PXDNL: variants seen among roughly 807,000 people sequenced by gnomAD.
PXDNL encodes peroxidasin like, also known as probable oxidoreductase PXDNL.
In PXDNL, 145 loss-of-function variants were observed where a neutral mutation model predicts 150.8. That is an observed-to-expected ratio of 0.96 (90% confidence interval 0.84 to 1.10). The LOEUF is 1.10. Among genes scored for constraint, PXDNL ranks in the 50% least tolerant of loss-of-function variants. The pLI is 0.00. For synonymous variants in PXDNL, 757 were observed against 725.7 expected, an observed-to-expected ratio of 1.04 and a Z score of -0.69; for missense variants, 2,087 against 1,873.9, an observed-to-expected ratio of 1.11 and a Z score of -2.10.
chr8:51,428,549 G>A (rs7837612), intron 12 of PXDNL, among the ~76,000 whole-genome samples: 2,027 of 152,236 alleles, frequency 0.013, 41 homozygotes, highest in African/African-American at 0.047. Context: ...ACAGCAGACA[G>A]CCCAGTAATA....
At chr8:51,786,150 T>C (rs1387394186) in intron 1 of PXDNL, among the ~76,000 whole-genome samples, 2 of 152,228 alleles carry the variant, frequency 1.3e-5, no homozygotes, top group Admixed American at 6.5e-5. Flanking sequence ...TGGTTTTAAC[T>C]TCATATACTG....
chr8:51,741,148 C>T (rs1175896409), intron 1 of PXDNL, among the ~76,000 whole-genome samples: 1 of 152,140 alleles, frequency 6.6e-6, no homozygotes, highest in Non-Finnish European at 1.5e-5. Context: ...ATTACTGCCT[C>T]AATTGTAGAA....
chr8:51,704,314 G>T (rs1440867350), intron 1 of PXDNL, among the ~76,000 whole-genome samples: 1 of 152,168 alleles, frequency 6.6e-6, no homozygotes, highest in African/African-American at 2.4e-5. Flanking sequence ...GTGTGTAGTA[G>T]CAGTTCATTT....
At chr8:51,529,932 C>T (rs1811857923) in intron 4 of PXDNL, among the ~76,000 whole-genome samples, 1 of 152,042 alleles carries the variant, frequency 6.6e-6, no homozygotes, top group African/African-American at 2.4e-5. Context: ...ATGCCTATAG[C>T]AATCCCCCTT....
intron 3 of PXDNL, among the ~76,000 whole-genome samples, chr8:51,579,728 C>A (rs1408876777): frequency 1.3e-5 from 2 of 152,046 alleles, no homozygotes; most frequent in East Asian, 1.9e-4. Context: ...ACTCAGATGT[C>A]TTTCAATAGG....
chr8:51,351,109 A>G (rs1806337633), intron 19 of PXDNL, among the ~76,000 whole-genome samples: 1 of 152,220 alleles, frequency 6.6e-6, no homozygotes, highest in Non-Finnish European at 1.5e-5. Flanking sequence ...TTCTTATTAC[A>G]ATTGCTTTAG....
intron 1 of PXDNL, among the ~76,000 whole-genome samples, chr8:51,777,839 G>A (rs750791615): frequency 3.3e-5 from 5 of 152,124 alleles, no homozygotes; most frequent in Admixed American, 6.5e-5. Context: ...GGAGGCGGAG[G>A]TTGCAATGAG....
chr8:51,509,051 A>C (rs1278401248), intron 4 of PXDNL, among the ~76,000 whole-genome samples: 1 of 152,120 alleles, frequency 6.6e-6, no homozygotes, highest in Non-Finnish European at 1.5e-5. Flanking sequence ...CAGCAAAGCA[A>C]CCAACTGGTC....
chr8:51,535,676 C>T (rs1196669361), intron 4 of PXDNL, among the ~76,000 whole-genome samples: 1 of 144,810 alleles, frequency 6.9e-6, no homozygotes, highest in East Asian at 2.0e-4. Flanking sequence ...ATGACCCTGC[C>T]AAATCCCCCT....
chr8:51,513,678 G>T (rs1047365285), intron 4 of PXDNL, among the ~76,000 whole-genome samples: 1 of 152,160 alleles, frequency 6.6e-6, no homozygotes, highest in African/African-American at 2.4e-5. Context: ...ATTAGTATTG[G>T]CATGCATGCA....
chr8:51,650,917 C>T (rs528010252), intron 2 of PXDNL, among the ~76,000 whole-genome samples: 13 of 152,078 alleles, frequency 8.5e-5, no homozygotes, highest in Non-Finnish European at 1.6e-4. Flanking sequence ...ACGTGCTGTC[C>T]CCTGAGACTG....
At chr8:51,790,398 A>G (rs2037500721) in intron 1 of PXDNL, among the ~76,000 whole-genome samples, 1 of 152,132 alleles carries the variant, frequency 6.6e-6, no homozygotes, top group Admixed American at 6.5e-5. Context: ...ACATTAAATT[A>G]CTCTAAATTT....
intron 3 of PXDNL, among the ~76,000 whole-genome samples, chr8:51,577,979 GA>G: frequency 1.1e-5 from 1 of 89,068 alleles, no homozygotes; most frequent in Admixed American, 1.4e-4. Flanking sequence ...AAGAAAGAAA[GA>G]AAGAAAGAAA....
intron 4 of PXDNL, among the ~76,000 whole-genome samples, chr8:51,529,242 A>G (rs1811832227): frequency 6.6e-6 from 1 of 152,192 alleles, no homozygotes; most frequent in African/African-American, 2.4e-5. Flanking sequence ...TATGTTACCC[A>G]TCGTCACTCC....
At chr8:51,419,334 G>T (rs1360598362) in intron 14 of PXDNL, among the ~76,000 whole-genome samples, 1 of 152,132 alleles carries the variant, frequency 6.6e-6, no homozygotes, top group Non-Finnish European at 1.5e-5. Flanking sequence ...TGTCTCAATG[G>T]TAAGAATTTT....
rs1809691212 is a variant in PXDNL, at chr8:51,447,009, G to A, written c.1520C>T (p.Pro507Leu). The A allele has an allele frequency of 6.2e-7, 1 of 1,613,572 alleles. No homozygotes were observed. Among genetic ancestry groups the A allele is most frequent in the Non-Finnish European group, 8.5e-7 (1 of 1,179,838 alleles). Residue 507 changes from proline (P) to leucine (L), a missense_variant, in exon 12 of 23, where the codon CCC becomes CTC. Physicochemically the swap from Pro to Leu is moderately conservative, Grantham distance 98. Transcript: ENST00000356297. ...KKVSVQLTVKPKALAVFTQLP... is the reference protein window; with the variant it reads ...KKVSVQLTVKLKALAVFTQLP... ...TGAATCACAGTATATATTACCTTTG[G>A]GTTTTACAGTCAGCTGCACAGACAC...
intron 3 of PXDNL, among the ~76,000 whole-genome samples, chr8:51,562,983 T>G (rs77138799): frequency 6.6e-6 from 1 of 151,922 alleles, no homozygotes; most frequent in Non-Finnish European, 1.5e-5. Context: ...GGTTTGCTCT[T>G]GCAACCCTGT....
At chr8:51,336,388 C>G (rs1442212819) in intron 21 of PXDNL, among the ~76,000 whole-genome samples, 1 of 152,232 alleles carries the variant, frequency 6.6e-6, no homozygotes, top group Non-Finnish European at 1.5e-5. Flanking sequence ...ATTTCCTTCT[C>G]CAGCTAACAG....
At chr8:51,457,751 TAG>T in intron 8 of PXDNL, 84 bp from the exon 9 acceptor site, 1 of 894,640 alleles carries the variant, frequency 1.1e-6, no homozygotes, top group South Asian at 2.3e-5. Context: ...TAGTACTATA[TAG>T]CTATGTTTCA....
Sources: gnomAD v4.1 joint callset for allele counts (sites outside exome capture counted in the v4.1 genomes callset) on GRCh38, gnomAD v4.1.1 for gene constraint, MANE v1.5 for transcripts, NCBI Gene and HGNC (gene_info 2026-07-23, HGNC 2026-07-21) for gene names.